The following CSGALNACT1 variants were observed in gnomAD, a reference collection of about 807,000 sequenced individuals.
The protein encoded by CSGALNACT1 is chondroitin sulfate N-acetylgalactosaminyltransferase 1.
Under a neutral mutation model 51.0 loss-of-function variants are expected in CSGALNACT1, and 52 were observed. The observed-to-expected ratio is 1.02, with a 90% CI of 0.82 to 1.29. The LOEUF (loss-of-function observed/expected upper bound fraction) is 1.29. Among genes scored for constraint, CSGALNACT1 ranks in the 50% most tolerant of loss-of-function variants. The pLI, the probability that CSGALNACT1 is intolerant of heterozygous loss-of-function variation, is 0.00. For missense variants in CSGALNACT1, 935 were observed against 679.2 expected (o/e 1.38, Z -4.19); for synonymous variants, 341 against 254.4 (o/e 1.34, Z -3.24).
intron 4 of CSGALNACT1, among the ~76,000 whole-genome samples, chr8:19,503,956 C>T (rs534388037): frequency 1.3e-5 from 2 of 152,160 alleles, no homozygotes; most frequent in Non-Finnish European, 2.9e-5. Context: ...TGAACAGCAG[C>T]AGGAGGCTTT....
At chr8:19,751,866 C>G (rs1049597092) in intron 1 of CSGALNACT1, among the ~76,000 whole-genome samples, 1 of 152,052 alleles carries the variant, frequency 6.6e-6, no homozygotes, top group Admixed American at 6.6e-5. Flanking sequence ...CCCAGCCATG[C>G]CCCCTGTGCA....
chr8:19,663,263 T>C (rs539256427), intron 1 of CSGALNACT1, among the ~76,000 whole-genome samples: 7 of 152,272 alleles, frequency 4.6e-5, no homozygotes, highest in Admixed American at 4.6e-4. Context: ...GGGTCAGGCT[T>C]GTACTTAATT....
intron 4 of CSGALNACT1, among the ~76,000 whole-genome samples, chr8:19,502,406 T>C (rs2076574150): frequency 6.6e-6 from 1 of 152,210 alleles, no homozygotes; most frequent in African/African-American, 2.4e-5. Flanking sequence ...CTTCTCAAGC[T>C]TGCGTGATCA....
intron 1 of CSGALNACT1, among the ~76,000 whole-genome samples, chr8:19,713,107 G>C (rs1363824740): frequency 1.3e-5 from 2 of 152,104 alleles, no homozygotes. Flanking sequence ...TCCTCTGATT[G>C]TAATGGTTTT....
intron 1 of CSGALNACT1, among the ~76,000 whole-genome samples, chr8:19,738,601 G>A (rs930408902): frequency 1.3e-5 from 2 of 151,998 alleles, no homozygotes; most frequent in Non-Finnish European, 1.5e-5. Flanking sequence ...CCACTGAAAT[G>A]TTCACCTAAA....
intron 1 of CSGALNACT1, among the ~76,000 whole-genome samples, chr8:19,695,025 G>C (rs189349446): frequency 6.8e-4 from 104 of 152,244 alleles, no homozygotes; most frequent in African/African-American, 1.9e-3. Flanking sequence ...CCCATCTACA[G>C]CTCACTCCTC....
chr8:19,416,335 G>T (rs557765589), intron 8 of CSGALNACT1, among the ~76,000 whole-genome samples: 1 of 151,970 alleles, frequency 6.6e-6, no homozygotes, highest in Middle Eastern at 3.2e-3. Context: ...GGCTGGTCTC[G>T]AACTCCTGAC....
chr8:19,416,078 C>T (rs2153686609), intron 8 of CSGALNACT1, among the ~76,000 whole-genome samples: 1 of 148,788 alleles, frequency 6.7e-6, no homozygotes, highest in East Asian at 2.0e-4. Context: ...CCCAGGAAGG[C>T]AAGGTTAACT....
chr8:19,423,322 T>A (rs1008805817), intron 6 of CSGALNACT1, among the ~76,000 whole-genome samples: 1 of 152,176 alleles, frequency 6.6e-6, no homozygotes, highest in Non-Finnish European at 1.5e-5. Context: ...AAGACAGTGT[T>A]AGAAACTGAG....
intron 1 of CSGALNACT1, among the ~76,000 whole-genome samples, chr8:19,705,064 G>A (rs944046121): frequency 2.0e-5 from 3 of 152,304 alleles, no homozygotes; most frequent in Middle Eastern, 6.8e-3. Flanking sequence ...TGTGCTAAGA[G>A]GGTAGATCTT....
At chr8:19,431,992 C>CA (rs953284220) in intron 6 of CSGALNACT1, among the ~76,000 whole-genome samples, 25 of 151,010 alleles carry the variant, frequency 1.7e-4, no homozygotes, top group South Asian at 2.1e-4. Flanking sequence ...TAAATCAGCA[C>CA]AAAAAAAAGA....
At position 19,547,898 on chromosome 8, in the gene CSGALNACT1, TG is replaced by T. The variant is rs951220810; in HGVS notation, c.-296-41769del. On this transcript the variant is annotated intron_variant, in intron 3 of 9. Coordinates refer to ENST00000454498, the Ensembl canonical transcript of CSGALNACT1. ...GGCCACTGCCAGACCCTGAGGGATT[TG>T]GGTGTGTTGCCAGGGGGTTGGTAGT... Among the ~76,000 whole-genome samples, 6 of 152,162 alleles carry T rather than the reference TG, an allele frequency of 3.9e-5. 1 individual carries two copies. Among genetic ancestry groups the T allele is most frequent in the Admixed American group, 3.9e-4 (6 of 15,266 alleles).
chr8:19,442,288 T>C (rs1488576283), intron 5 of CSGALNACT1, among the ~76,000 whole-genome samples: 1 of 152,272 alleles, frequency 6.6e-6, no homozygotes, highest in Non-Finnish European at 1.5e-5. Context: ...ATTGCGGCAC[T>C]ATTCACAATA....
intron 3 of CSGALNACT1, among the ~76,000 whole-genome samples, chr8:19,570,507 T>A (rs1029013764): frequency 6.6e-6 from 1 of 151,978 alleles, no homozygotes; most frequent in African/African-American, 2.4e-5. Context: ...CAAGAGGTAA[T>A]GAGGACAGGG....
chr8:19,746,428 G>A (rs1350639290), intron 1 of CSGALNACT1, among the ~76,000 whole-genome samples: 1 of 152,160 alleles, frequency 6.6e-6, no homozygotes, highest in Admixed American at 6.5e-5. Context: ...AGCCCATCAC[G>A]TGCAGATTGA....
chr8:19,641,578 T>C (rs1157837330), intron 1 of CSGALNACT1, among the ~76,000 whole-genome samples: 2 of 152,170 alleles, frequency 1.3e-5, no homozygotes, highest in Non-Finnish European at 2.9e-5. Flanking sequence ...TAAAAAATGT[T>C]TCACAACACA....
At chr8:19,673,575 T>C (rs143293859) in intron 1 of CSGALNACT1, among the ~76,000 whole-genome samples, 2 of 152,318 alleles carry the variant, frequency 1.3e-5, no homozygotes, top group East Asian at 3.9e-4. Flanking sequence ...TGTATTTCCA[T>C]CTTTAATTCC....
intron 2 of CSGALNACT1, among the ~76,000 whole-genome samples, chr8:19,599,472 A>AAGAAAAAGAAAGAAAAAG: frequency 8.8e-6 from 1 of 113,806 alleles, no homozygotes; most frequent in Non-Finnish European, 1.7e-5. Context: ...GAAAGAAAGA[A>AAGAAAAAGAAAGAAAAAG]AAAGAAAGAA....
At chr8:19,655,591 T>C (rs544063060) in intron 1 of CSGALNACT1, among the ~76,000 whole-genome samples, 3 of 150,894 alleles carry the variant, frequency 2.0e-5, no homozygotes, top group Non-Finnish European at 4.4e-5. Flanking sequence ...TATATATATA[T>C]ATATATTTGC....
Sources: gnomAD v4.1 joint callset for allele counts (sites outside exome capture counted in the v4.1 genomes callset) on GRCh38, gnomAD v4.1.1 for gene constraint, MANE v1.5 for transcripts, NCBI Gene and HGNC (gene_info 2026-07-23, HGNC 2026-07-21) for gene names.